The following HSD17B4 variants were observed in gnomAD, a reference collection of about 807,000 sequenced individuals.
HSD17B4 encodes hydroxysteroid 17-beta dehydrogenase 4, also known as peroxisomal multifunctional enzyme type 2.
HSD17B4 carries 70 observed loss-of-function variants against 101.0 expected under a neutral mutation model. The observed-to-expected ratio is 0.69, with a 90% CI of 0.57 to 0.85. The LOEUF is 0.85. HSD17B4 is among the 40% of genes least tolerant of loss of function. The pLI, the probability that HSD17B4 is intolerant of heterozygous loss-of-function variation, is 0.00. For missense variants in HSD17B4, 984 were observed against 892.4 expected, an observed-to-expected ratio of 1.10 and a Z score of -1.31; for synonymous variants, 347 against 297.1, an observed-to-expected ratio of 1.17 and a Z score of -1.73.
chr5:119,538,009 C>T (rs900599617), intron 23 of HSD17B4, among the ~76,000 whole-genome samples: 1 of 152,126 alleles, frequency 6.6e-6, no homozygotes, highest in Non-Finnish European at 1.5e-5. Flanking sequence ...ATACAAAGGC[C>T]TGCCGTGCGA....
intron 11 of HSD17B4, among the ~76,000 whole-genome samples, chr5:119,494,325 T>TTTTCTTTCTTTCCTTCTTTC (rs1554064683): frequency 1.1e-4 from 12 of 111,612 alleles, no homozygotes; most frequent in African/African-American, 1.4e-4. Flanking sequence ...TCTTTCTTTC[T>TTTTCTTTCTTTCCTTCTTTC]TTTCTTTCTT....
At chr5:119,506,980 T>G (rs1461504771) in intron 15 of HSD17B4, 91 bp downstream of exon 15, 6 of 664,888 alleles carry the variant, frequency 9.0e-6, no homozygotes, top group Non-Finnish European at 1.3e-5. Context: ...GATTAATAAG[T>G]TAGTATTTGT....
In HSD17B4 at chr5:119,499,803, C is replaced by T. The variant is rs191852279; in HGVS notation, c.1209+250C>T. 2.6e-5 allele frequency among the ~76,000 whole-genome samples: 4 copies of T among 152,078 alleles called. 1 individual carries two copies. Among genetic ancestry groups the T allele is most frequent in the Admixed American group, 2.0e-4 (3 of 15,246 alleles). On this transcript the variant is annotated intron_variant, in intron 13 of 23. Transcript: ENST00000510025. ...CCCATAACCCTGGCATAATGTTATT[C>T]TCTCTCTGCCATTTACTTGATTCTT...
At chr5:119,521,028 C>T (rs539716815) in intron 17 of HSD17B4, among the ~76,000 whole-genome samples, 1 of 152,170 alleles carries the variant, frequency 6.6e-6, no homozygotes, top group Admixed American at 6.5e-5. Context: ...TATGTCAACC[C>T]TTTTGCCAAA....
rs1258041380 is a variant in HSD17B4 at position 119,499,493 on chromosome 5, G to A, written c.1149G>A (p.Gln383=). 1.2e-6 allele frequency: 2 copies of A among 1,613,608 alleles called. No individual in the cohort carries two copies. Among genetic ancestry groups the A allele is most frequent in the East Asian group, 4.5e-5 (2 of 44,856 alleles). The change falls in exon 13 of 24, where the codon CAG becomes CAA. Residue 383 remains glutamine (Q), a synonymous_variant. Coordinates refer to ENST00000510025, the MANE Select transcript of HSD17B4 (RefSeq NM_000414.4). ...CCACCTTCGGAGTTATCATAGGTCA[G>A]AAATCTATGATGGGTGGAGGATTAG... The part of the protein sequence containing the change: ...CLPTFGVIIG[Q]KSMMGGGLAE...
chr5:119,522,120 G>A (rs971534990), intron 17 of HSD17B4, among the ~76,000 whole-genome samples: 1 of 150,822 alleles, frequency 6.6e-6, no homozygotes. Flanking sequence ...GGTGTGTGAT[G>A]TTCCCCTTCC....
At chr5:119,459,450 C>G (rs1754992676) in intron 2 of HSD17B4, among the ~76,000 whole-genome samples, 1 of 152,220 alleles carries the variant, frequency 6.6e-6, no homozygotes, top group Admixed American at 6.5e-5. Context: ...TGACTCAAGG[C>G]ACATCCTAGC....
Position 119,515,055 on chromosome 5 carries a change from G to T in HSD17B4, c.1503+9G>T. 1 of 1,525,454 alleles carries T rather than the reference G, an allele frequency of 6.6e-7. No individual in the cohort carries two copies. Among genetic ancestry groups the T allele is most frequent in the South Asian group, 1.1e-5 (1 of 89,232 alleles). 94.5% of individuals were successfully genotyped at this position (1,525,454 alleles called of 1,614,324 possible). A position where few individuals can be genotyped will look rare whatever the true frequency, so the allele number is the denominator to read the frequency against. On this transcript the variant is annotated intron_variant, in intron 17 of 23. Transcript: ENST00000510025. The stretch of plus-strand genomic sequence containing the variant: ...CCACCTCTCTTAATCAGGTAAGATT[G>T]TATTTTTGAAAAATGATAAATCCAC...
rs111758000 is a variant in HSD17B4 at position 119,501,957 on chromosome 5, T to C, written c.1210-84T>C. The C allele has an allele frequency of 2.6e-4, 207 of 811,152 alleles. 1 individual carries two copies. The African/African-American group carries it at 2.9e-3, about 11-fold the overall frequency. 50.2% of individuals were successfully genotyped at this position (811,152 alleles called of 1,614,324 possible). On this transcript the variant is annotated intron_variant, in intron 13 of 23. Coordinates refer to ENST00000510025, the MANE Select transcript of HSD17B4 (RefSeq NM_000414.4). ...AAATGTGAGCCTGTGGATGGTAAAATGTCACTTGCGAGTAACAGTATCCAT... is the reference window on the plus strand; with the variant it reads ...AAATGTGAGCCTGTGGATGGTAAAACGTCACTTGCGAGTAACAGTATCCAT...
intron 20 of HSD17B4, among the ~76,000 whole-genome samples, chr5:119,529,355 C>A (rs889933554): frequency 6.6e-6 from 1 of 152,130 alleles, no homozygotes; most frequent in Non-Finnish European, 1.5e-5. Flanking sequence ...TACACTTCCT[C>A]TTGAAATAAG....
At chr5:119,521,852 G>C (rs1412820628) in intron 17 of HSD17B4, among the ~76,000 whole-genome samples, 1 of 149,338 alleles carries the variant, frequency 6.7e-6, no homozygotes, top group African/African-American at 2.5e-5. Flanking sequence ...CTGTTTGGCA[G>C]TTTGTTTATT....
In HSD17B4 at chr5:119,536,465, C is replaced by T. The variant is rs1265727964; in HGVS notation, c.2036C>T (p.Pro679Leu). ...GGTTCTGGAAAAGTGTACCAAGGCC[C>T]TGCAAAAGGTGCTGCTGATACAACA... ...KSGSGKVYQG[P>L]AKGAADTTII... The change falls in exon 23 of 24, where the codon CCT (proline) becomes CTT (leucine). Residue 679 changes from proline (P) to leucine (L), a missense_variant. Physicochemically the swap from Pro to Leu is moderately conservative, Grantham distance 98. Coordinates refer to ENST00000510025, the MANE Select transcript of HSD17B4 (RefSeq NM_000414.4). 29 of 1,612,350 alleles carry T rather than the reference C, an allele frequency of 1.8e-5. No homozygotes were observed. The highest frequency in any genetic ancestry group is 2.5e-5 in the Non-Finnish European group (29 of 1,178,668).
At position 119,502,044 on chromosome 5, in the gene HSD17B4, C is replaced by G. The variant is rs746616691; in HGVS notation, c.1213C>G (p.Leu405Val). 14 of 1,603,508 alleles carry G rather than the reference C, an allele frequency of 8.7e-6. No homozygotes were observed. In the South Asian group the frequency reaches 1.2e-4, roughly 14 times the overall value. ...AATTTTGTTTACCCTAACATAGGTT[C>G]TTCATGGAGAGCAGTACTTAGAGTT... ...PGLSINFAKV[L>V]HGEQYLELYK... The change falls in exon 14 of 24, where the codon CTT becomes GTT. Residue 405 changes from leucine to valine, a missense_variant. Leu to Val is a conservative substitution (Grantham distance 32, BLOSUM62 1). Transcript: ENST00000510025.
intron 7 of HSD17B4, chr5:119,477,907 A>G (rs889255382): frequency 5.5e-6 from 1 of 183,432 alleles, no homozygotes; most frequent in Non-Finnish European, 1.2e-5. Flanking sequence ...ATGTGTCACC[A>G]TGCCTGGCAA....
Position 119,501,301 on chromosome 5 carries a change from C to T in HSD17B4, c.1210-740C>T, listed in dbSNP as rs1314982626. The stretch of plus-strand genomic sequence containing the variant: ...TTTGTCTTCTCATCAACCACCTCCC[C>T]TTCTTCTTCTTCCTTTTTTTTTTTT... On this transcript the variant is annotated intron_variant, in intron 13 of 23. Transcript: ENST00000510025. Among the ~76,000 whole-genome samples, 4 of 144,230 alleles carry T rather than the reference C, an allele frequency of 2.8e-5. 1 individual carries two copies. The South Asian group carries it at 6.4e-4, about 23-fold the overall frequency. 94.6% of individuals were successfully genotyped at this position (144,230 alleles called of 152,430 possible).
chr5:119,496,046 T>C (rs1337563672), intron 11 of HSD17B4, among the ~76,000 whole-genome samples: 2 of 152,112 alleles, frequency 1.3e-5, no homozygotes, highest in Admixed American at 6.6e-5. Flanking sequence ...TTGGTTATGA[T>C]GATGATTTTC....
intron 2 of HSD17B4, among the ~76,000 whole-genome samples, chr5:119,468,725 C>G (rs1319144752): frequency 1.3e-5 from 2 of 151,974 alleles, no homozygotes; most frequent in Middle Eastern, 3.4e-3. Context: ...TTCTGTAACT[C>G]TCAATATGTA....
At chr5:119,525,078 ATAAT>A (rs1561484880) in intron 17 of HSD17B4, 134 bp from the exon 18 acceptor site, 2 of 627,108 alleles carry the variant, frequency 3.2e-6, no homozygotes, top group African/African-American at 3.7e-5. Context: ...ATTGTTAAAA[ATAAT>A]TATTTTTAAA....
intron 14 of HSD17B4, among the ~76,000 whole-genome samples, chr5:119,503,255 G>C (rs1751350219): frequency 6.6e-6 from 1 of 152,026 alleles, no homozygotes; most frequent in South Asian, 2.1e-4. Context: ...GTGCAAGATA[G>C]GTTTCTGCCG....
Sources: gnomAD v4.1 joint callset for allele counts (sites outside exome capture counted in the v4.1 genomes callset) on GRCh38, gnomAD v4.1.1 for gene constraint, MANE v1.5 for transcripts, NCBI Gene and HGNC (gene_info 2026-07-23, HGNC 2026-07-21) for gene names.